EIF2AK4: variants seen among roughly 807,000 people sequenced by gnomAD.
EIF2AK4 encodes the protein eukaryotic translation initiation factor 2 alpha kinase 4.
EIF2AK4 carries 139 observed loss-of-function variants against 211.1 expected under a neutral mutation model. The ratio of observed to expected loss-of-function variants is 0.66; its 90% confidence interval spans 0.57 to 0.76. EIF2AK4 has a LOEUF of 0.76. EIF2AK4 is among the 30% of genes least tolerant of loss of function. EIF2AK4 has a pLI of 0.00. For missense variants in EIF2AK4, 1,664 were observed against 2,043.8 expected, an observed-to-expected ratio of 0.81 and a Z score of 3.58; for synonymous variants, 710 against 751.3, an observed-to-expected ratio of 0.94 and a Z score of 0.90.
chr15:39,940,362 A>C (rs945557382), intron 2 of EIF2AK4, among the ~76,000 whole-genome samples: 4 of 152,208 alleles, frequency 2.6e-5, no homozygotes, highest in Non-Finnish European at 5.9e-5. Flanking sequence ...AGTAGTTTGA[A>C]ATTATTGTAT....
chr15:40,022,802 C>T (rs747554881), intron 32 of EIF2AK4, among the ~76,000 whole-genome samples, 197 bp downstream of exon 32: 1 of 151,962 alleles, frequency 6.6e-6, no homozygotes, highest in Non-Finnish European at 1.5e-5. Context: ...GACGCAATCT[C>T]GGCTCACTGC....
chr15:40,028,051 G>A (rs1176594134), intron 33 of EIF2AK4, among the ~76,000 whole-genome samples: 1 of 150,316 alleles, frequency 6.7e-6, no homozygotes, highest in African/African-American at 2.4e-5. Context: ...AAATTACTTT[G>A]TTAAGCTTTT....
chr15:40,020,098 G>C (rs543797778), intron 30 of EIF2AK4, among the ~76,000 whole-genome samples: 142 of 151,682 alleles, frequency 9.4e-4, no homozygotes, highest in Admixed American at 3.7e-3. Context: ...ACCCAGGAGG[G>C]GGAGGTTGCA....
intron 1 of EIF2AK4, among the ~76,000 whole-genome samples, chr15:39,938,015 T>G (rs966044935): frequency 6.6e-6 from 1 of 152,262 alleles, no homozygotes; most frequent in African/African-American, 2.4e-5. Context: ...CATCCTCAGA[T>G]AGTTCTTCTT....
At chr15:40,022,336 G>A (rs1384771538) in intron 31 of EIF2AK4, 183 bp from the exon 32 acceptor site, 13 of 550,750 alleles carry the variant, frequency 2.4e-5, no homozygotes, top group South Asian at 2.3e-4. Flanking sequence ...AGGCAAGAGA[G>A]GCCTTGTTCC....
At chr15:40,002,493 C>A in intron 21 of EIF2AK4, 1 of 473,240 alleles carries the variant, frequency 2.1e-6, no homozygotes. Context: ...CCCAGGCATC[C>A]TTCCCATTGG....
Position 40,008,034 on chromosome 15 carries a change from A to G in EIF2AK4, c.3415A>G (p.Ile1139Val). 1 of 1,594,854 alleles carries G rather than the reference A, an allele frequency of 6.3e-7. No individual in the cohort carries two copies. The highest frequency in any genetic ancestry group is 1.1e-5 in the South Asian group (1 of 86,966). Residue 1139 changes from isoleucine to valine, a missense_variant, in exon 25 of 39, where the codon ATA becomes GTA. Ile to Val is a conservative substitution (Grantham distance 29). Coordinates refer to ENST00000263791, the MANE Select transcript of EIF2AK4 (RefSeq NM_001013703.4). ...CTGGGTTTCTCTCTCCAGATACTGC[A>G]TAGAACGTGTGTTCAGGCCGCGCAA... ...NNILNLKRYCIERVFRPRKLD... is the reference protein window; with the variant it reads ...NNILNLKRYCVERVFRPRKLD...
At chr15:40,027,364 A>G (rs1567010265) in intron 33 of EIF2AK4, among the ~76,000 whole-genome samples, 2 of 152,358 alleles carry the variant, frequency 1.3e-5, no homozygotes, top group East Asian at 3.9e-4. Context: ...TTAATATTTT[A>G]AGATTATTAT....
chr15:39,934,381 C>T, intron 1 of EIF2AK4, 42 bp downstream of exon 1: 1 of 1,566,320 alleles, frequency 6.4e-7, no homozygotes, highest in South Asian at 1.2e-5. Context: ...CGTGCCCTGG[C>T]CTCCCCGGGC....
intron 3 of EIF2AK4, among the ~76,000 whole-genome samples, chr15:39,943,798 T>C (rs2034182414): frequency 6.6e-6 from 1 of 151,916 alleles, no homozygotes; most frequent in South Asian, 2.1e-4. Flanking sequence ...CACCTATCTC[T>C]AAAAAAATTA....
chr15:39,946,495 A>G (rs2034229137), intron 3 of EIF2AK4: 1 of 694,870 alleles, frequency 1.4e-6, no homozygotes, highest in East Asian at 2.7e-5. Flanking sequence ...TAGGAGAGAA[A>G]GTGGTTTCTT....
chr15:39,934,218 C>A lies in EIF2AK4; in HGVS notation c.23C>A (p.Pro8His), dbSNP rs2034028168. The A allele has an allele frequency of 6.3e-7, 1 of 1,587,248 alleles. No homozygotes were observed. The highest frequency in any genetic ancestry group is 1.1e-5 in the South Asian group (1 of 88,502). MAGGRGA[P>H]GRGRDEPPES... The stretch of plus-strand genomic sequence containing the variant: ...GCCATGGCTGGGGGCCGTGGGGCCC[C>A]CGGGCGCGGCCGGGACGAGCCTCCG... The change falls in exon 1 of 39, where the codon CCC (proline) becomes CAC (histidine). Residue 8 changes from proline (P) to histidine (H), a missense_variant. Around this residue, in one of 7 missense-constraint regions of EIF2AK4, gnomAD observed 641 missense variants for 729.6 expected, o/e 0.88. Transcript: ENST00000263791.
At chr15:40,003,078 T>G in intron 22 of EIF2AK4, 115 bp from the exon 23 acceptor site, 2 of 1,439,328 alleles carry the variant, frequency 1.4e-6, no homozygotes, top group African/African-American at 1.4e-5. Context: ...AAAATTGATA[T>G]GACTTCAATG....
Position 40,031,686 on chromosome 15 carries a change from C to T in EIF2AK4, c.4660-483C>T, listed in dbSNP as rs140208644. Among the ~76,000 whole-genome samples the T allele has an allele frequency of 6.8e-3, 1,037 of 152,076 alleles. 4 individuals carry two copies. Among genetic ancestry groups the T allele is most frequent in the Non-Finnish European group, 0.012 (789 of 67,976 alleles). On this transcript the variant is annotated intron_variant, in intron 35 of 38. Transcript: ENST00000263791. ...ATAAAAACCTCATTTCCCCTGAGAT[C>T]ATATTGCTAGACACCCCTTTCTGAG...
In EIF2AK4 at chr15:40,027,495, T is replaced by C. The variant is rs1375202337; in HGVS notation, c.4502+1406T>C. 7.2e-5 allele frequency among the ~76,000 whole-genome samples: 11 copies of C among 152,352 alleles called. No individual in the cohort carries two copies. In the South Asian group the frequency reaches 2.3e-3, roughly 32 times the overall value. On this transcript the variant is annotated intron_variant, in intron 33 of 38. Coordinates refer to ENST00000263791, the MANE Select transcript of EIF2AK4 (RefSeq NM_001013703.4). ...CATTGGTAGAAGATTGTTTGAATTA[T>C]GATAATTTGGTGAAATATTGTGCAG...
chr15:40,003,227 C>T lies in EIF2AK4; in HGVS notation c.3270C>T (p.Pro1090=), dbSNP rs758365298. Reference sequence around the variant, plus strand: ...AGTTGTGTACTCCACTACTGCTTCCCCGAAACAGACAAATATATGAGCACA... The same window carrying T: ...AGTTGTGTACTCCACTACTGCTTCCTCGAAACAGACAAATATATGAGCACA... ...AVQLCTPLLL[P]RNRQIYEHNE... is the part of the protein sequence containing the mutation. The change falls in exon 23 of 39, where the codon CCC becomes CCT. Residue 1090 remains proline (P), a synonymous_variant. Transcript: ENST00000263791. The T allele has an allele frequency of 4.3e-6, 7 of 1,614,150 alleles. No homozygotes were observed. In the South Asian group the frequency reaches 6.6e-5, roughly 15 times the overall value.
intron 21 of EIF2AK4, among the ~76,000 whole-genome samples, chr15:40,001,575 A>G (rs2035092112): frequency 1.3e-5 from 2 of 149,768 alleles, no homozygotes; most frequent in South Asian, 4.2e-4. Context: ...CGGAGGTTGC[A>G]GAGAGCCGAG....
In EIF2AK4 at chr15:40,034,418, A is replaced by G. The variant is rs2035586462; in HGVS notation, c.4866A>G (p.Glu1622=). The G allele has an allele frequency of 6.2e-7, 1 of 1,613,920 alleles. No homozygotes were observed. The highest frequency in any genetic ancestry group is 8.5e-7 in the Non-Finnish European group (1 of 1,179,926). ...KQRYLKLVCD[E]IYNIKVEKKV... is the part of the protein sequence containing the mutation. ...GATACCTCAAATTAGTCTGTGATGAAATTTATAACATCAAAGTAGAAAAAA... is the reference window on the plus strand; with the variant it reads ...GATACCTCAAATTAGTCTGTGATGAGATTTATAACATCAAAGTAGAAAAAA... The change falls in exon 38 of 39, where the codon GAA becomes GAG. Residue 1622 remains glutamate (E), a synonymous_variant. Transcript: ENST00000263791.
chr15:39,951,994 G>T (rs947115782), intron 4 of EIF2AK4, among the ~76,000 whole-genome samples: 9 of 152,082 alleles, frequency 5.9e-5, no homozygotes, highest in African/African-American at 2.2e-4. Context: ...TTGAATTATT[G>T]TATCTTTATA....
Sources: gnomAD v4.1 joint callset for allele counts (sites outside exome capture counted in the v4.1 genomes callset) on GRCh38, gnomAD v4.1.1 for gene constraint, gnomAD v4.1.1 regional missense constraint, MANE v1.5 for transcripts, NCBI Gene and HGNC (gene_info 2026-07-23, HGNC 2026-07-21) for gene names.